The following CHRM2 variants were observed in gnomAD, a reference collection of about 807,000 sequenced individuals.
The protein encoded by CHRM2 is muscarinic acetylcholine receptor M2.
In CHRM2, 8 loss-of-function variants were observed where a neutral mutation model predicts 25.0. That is an observed-to-expected ratio of 0.32 (90% CI 0.19 to 0.58). CHRM2 has a LOEUF of 0.58. CHRM2 is among the 20% of genes least tolerant of loss of function. The pLI, the probability that CHRM2 is intolerant of heterozygous loss-of-function variation, is 0.88. For missense variants in CHRM2, 440 were observed against 567.1 expected (o/e 0.78, Z 2.28); for synonymous variants, 202 against 205.7 (o/e 0.98, Z 0.15).
intron 2 of CHRM2, among the ~76,000 whole-genome samples, chr7:136,965,059 C>T (rs1801325972): frequency 6.6e-6 from 1 of 152,036 alleles, no homozygotes. Flanking sequence ...ATTTCTATGT[C>T]AAGAATTATA....
At chr7:136,916,481 A>G (rs1209152586) in intron 2 of CHRM2, among the ~76,000 whole-genome samples, 1 of 151,682 alleles carries the variant, frequency 6.6e-6, no homozygotes, top group African/African-American at 2.4e-5. Flanking sequence ...TACTTAATTT[A>G]ATTGAAAATT....
Position 137,016,044 on chromosome 7 carries a change from G to A in CHRM2, c.1179G>A (p.Leu393=). ...TCACCAGGACAATCTTGGCTATTCT[G>A]TTGGCTTTCATCATCACTTGGGCCC... ...KKVTRTILAI[L]LAFIITWAPY... The change falls in exon 4 of 4, where the codon CTG becomes CTA. Residue 393 remains leucine (L), a synonymous_variant. Transcript: ENST00000680005. 6.2e-7 allele frequency: 1 copy of A among 1,612,762 alleles called. No individual in the cohort carries two copies. The highest frequency in any genetic ancestry group is 8.5e-7 in the Non-Finnish European group (1 of 1,179,326).
intron 2 of CHRM2, among the ~76,000 whole-genome samples, chr7:136,948,792 CT>C (rs1414967246): frequency 6.6e-6 from 1 of 152,168 alleles, no homozygotes; most frequent in Non-Finnish European, 1.5e-5. Context: ...AGAAATGAGT[CT>C]TCTCTTCCAC....
At chr7:137,002,934 C>A (rs1804147328) in intron 3 of CHRM2, among the ~76,000 whole-genome samples, 1 of 151,978 alleles carries the variant, frequency 6.6e-6, no homozygotes. Flanking sequence ...TATTATGTGC[C>A]TTTTTAAAAA....
chr7:137,009,466 A>T (rs1437864615), intron 3 of CHRM2, among the ~76,000 whole-genome samples: 1 of 152,026 alleles, frequency 6.6e-6, no homozygotes, highest in Non-Finnish European at 1.5e-5. Flanking sequence ...TCCCTAGCTT[A>T]TTGTGAATGT....
At chr7:136,964,783 C>T (rs1318072305) in intron 2 of CHRM2, among the ~76,000 whole-genome samples, 1 of 152,154 alleles carries the variant, frequency 6.6e-6, no homozygotes, top group African/African-American at 2.4e-5. Flanking sequence ...CTTACCTATT[C>T]TTTGTGACCA....
chr7:136,948,647 G>T (rs2130845869), intron 2 of CHRM2, among the ~76,000 whole-genome samples: 1 of 152,296 alleles, frequency 6.6e-6, no homozygotes, highest in South Asian at 2.1e-4. Context: ...GGATTAAATA[G>T]GCATGAATGT....
chr7:137,014,702 T>C lies in CHRM2; in HGVS notation c.-46-118T>C, dbSNP rs1194372013. 4.3e-6 allele frequency: 3 copies of C among 697,278 alleles called. No homozygotes were observed. In the Admixed American group the frequency reaches 7.7e-5, roughly 18 times the overall value. The allele number at this position is 697,278 out of a possible 1,614,324, so 43.2% of individuals were successfully genotyped here. On this transcript the variant is annotated intron_variant, in intron 3 of 3. Coordinates refer to ENST00000680005, the MANE Select transcript of CHRM2 (RefSeq NM_001006630.2). Reference sequence around the variant, plus strand: ...GAATTGAGGCAGGTAGACACAGTAATCATGCAGGGGAAGGGAGATTTGGGA... The same window carrying C: ...GAATTGAGGCAGGTAGACACAGTAACCATGCAGGGGAAGGGAGATTTGGGA...
At chr7:136,959,402 C>A (rs531727683) in intron 2 of CHRM2, among the ~76,000 whole-genome samples, 30 of 152,256 alleles carry the variant, frequency 2.0e-4, no homozygotes, top group African/African-American at 7.0e-4. Context: ...CATGTGGATA[C>A]CAACATCTGG....
intron 2 of CHRM2, among the ~76,000 whole-genome samples, chr7:136,931,027 C>T (rs1444693348): frequency 6.6e-6 from 1 of 151,176 alleles, no homozygotes; most frequent in Non-Finnish European, 1.5e-5. Flanking sequence ...TTATTCTATC[C>T]TAAGTTTTCT....
intron 3 of CHRM2, among the ~76,000 whole-genome samples, chr7:137,010,118 C>T (rs931533441): frequency 6.6e-6 from 1 of 151,938 alleles, no homozygotes; most frequent in Non-Finnish European, 1.5e-5. Flanking sequence ...TATTATTATT[C>T]CTGTTTGAGA....
At chr7:137,002,349 A>G (rs1804106778) in intron 3 of CHRM2, among the ~76,000 whole-genome samples, 2 of 152,110 alleles carry the variant, frequency 1.3e-5, no homozygotes. Context: ...TTATTTTTAT[A>G]TTTTTCAACA....
At chr7:136,913,737 C>T (rs1437343103) in intron 2 of CHRM2, among the ~76,000 whole-genome samples, 4 of 151,906 alleles carry the variant, frequency 2.6e-5, no homozygotes, top group East Asian at 1.9e-4. Context: ...TGAAACAATG[C>T]TGTGAAGTGG....
intron 2 of CHRM2, among the ~76,000 whole-genome samples, chr7:136,904,405 T>G (rs549050094): frequency 6.6e-6 from 1 of 151,942 alleles, no homozygotes; most frequent in South Asian, 2.1e-4. Flanking sequence ...CCATTATCTA[T>G]TTAAGAAAAA....
At chr7:136,975,772 T>C (rs1802064777) in intron 2 of CHRM2, among the ~76,000 whole-genome samples, 1 of 152,168 alleles carries the variant, frequency 6.6e-6, no homozygotes. Context: ...GCCAATAAGA[T>C]TGTGCCCATT....
At chr7:136,870,878 C>T (rs1795801691) in intron 2 of CHRM2, 1 of 152,322 alleles carries the variant, frequency 6.6e-6, no homozygotes, top group Non-Finnish European at 1.5e-5. Context: ...TCCGGAATCC[C>T]CCACATCGAC....
intron 2 of CHRM2, among the ~76,000 whole-genome samples, chr7:136,984,004 G>A (rs1371461806): frequency 6.6e-6 from 1 of 152,176 alleles, no homozygotes; most frequent in Non-Finnish European, 1.5e-5. Flanking sequence ...GAGCTGGCAG[G>A]CAGAAATGTT....
intron 3 of CHRM2, among the ~76,000 whole-genome samples, 193 bp from the exon 4 acceptor site, chr7:137,014,627 T>C (rs1206020183): frequency 6.6e-6 from 1 of 152,012 alleles, no homozygotes; most frequent in African/African-American, 2.4e-5. Context: ...ATTGCCAGCC[T>C]GAAAGGTCCT....
At chr7:136,969,086 A>G (rs2130922669) in intron 2 of CHRM2, among the ~76,000 whole-genome samples, 1 of 152,270 alleles carries the variant, frequency 6.6e-6, no homozygotes, top group Admixed American at 6.5e-5. Context: ...TTGCTTGGAA[A>G]GAAGCAAGGA....
Sources: gnomAD v4.1 joint callset for allele counts (sites outside exome capture counted in the v4.1 genomes callset) on GRCh38, gnomAD v4.1.1 for gene constraint, MANE v1.5 for transcripts, NCBI Gene and HGNC (gene_info 2026-07-23, HGNC 2026-07-21) for gene names.